IRS1: variants seen among roughly 807,000 people sequenced by gnomAD.
IRS1 encodes insulin receptor substrate 1.
A neutral mutation model predicts 65.6 loss-of-function variants in IRS1; 34 were observed. The ratio of observed to expected loss-of-function variants is 0.52; its 90% CI spans 0.39 to 0.69. The LOEUF (loss-of-function observed/expected upper bound fraction) is 0.69, where lower values mean the gene tolerates loss of function less well. IRS1 is among the 30% of genes least tolerant of loss of function. IRS1 has a pLI of 0.00. For missense variants in IRS1, 1,641 were observed against 1,720.2 expected (o/e 0.95, Z 0.81); for synonymous variants, 699 against 683.5 (o/e 1.02, Z -0.35).
At chr2:226,773,821 C>A (rs1449407773) in intron 1 of IRS1, among the ~76,000 whole-genome samples, 3 of 152,142 alleles carry the variant, frequency 2.0e-5, no homozygotes, top group African/African-American at 7.2e-5. Flanking sequence ...TAACTGTAAC[C>A]ACTCCAGGAG....
At chr2:226,777,653 T>C (rs957556506) in intron 1 of IRS1, among the ~76,000 whole-genome samples, 2 of 152,198 alleles carry the variant, frequency 1.3e-5, no homozygotes, top group African/African-American at 2.4e-5. Context: ...CCTGTGCTGC[T>C]CTCATGATAG....
rs2106155747 is a variant in IRS1, at chr2:226,735,372, T to C, written c.*900A>G. On this transcript the variant is annotated 3_prime_UTR_variant, in exon 2 of 2. Transcript: ENST00000305123. ...ATACATGCAATGGAAGACTTTAATT[T>C]CCTCTTCTTATAATTTTGCTTCCAT... 1 of 152,346 alleles carries C rather than the reference T, an allele frequency of 6.6e-6. No individual in the cohort carries two copies. The highest frequency in any genetic ancestry group is 2.4e-5 in the African/African-American group (1 of 41,584). The allele number at this position is 152,346 out of a possible 1,614,324, so 9.4% of individuals were successfully genotyped here.
rs1938317129 is a variant in IRS1, at chr2:226,736,051, T to C, written c.*221A>G. ...TCTGGTGTCACAGTGCATTTTTTTT[T>C]TTCGCTTGGCACAATATAGAACGTG... On this transcript the variant is annotated 3_prime_UTR_variant, in exon 2 of 2. Transcript: ENST00000305123. 4.6e-5 allele frequency: 7 copies of C among 152,590 alleles called. No individual in the cohort carries two copies. The allele number at this position is 152,590 out of a possible 1,614,324, so 9.5% of individuals were successfully genotyped here.
chr2:226,777,967 TAATTAG>T (rs1939306484), intron 1 of IRS1, among the ~76,000 whole-genome samples: 1 of 152,216 alleles, frequency 6.6e-6, no homozygotes, highest in African/African-American at 2.4e-5. Flanking sequence ...ATAGTCAGTT[TAATTAG>T]AATTGTCTCA....
chr2:226,797,442 A>G lies in IRS1; in HGVS notation c.1297T>C (p.Ser433Pro). Reference sequence around the variant, plus strand: ...GAACTCCGGAAATCGCAGGGACTGGAGCCATACTCATCCGAGGAGATGAAA... The same window carrying G: ...GAACTCCGGAAATCGCAGGGACTGGGGCCATACTCATCCGAGGAGATGAAA... ...GGFISSDEYGSSPCDFRSSFR... is the reference protein window; with the variant it reads ...GGFISSDEYGPSPCDFRSSFR... The change falls in exon 1 of 2, where the codon TCC becomes CCC. Residue 433 changes from serine (S) to proline (P), a missense_variant. Transcript: ENST00000305123. The surrounding 1 kb of genome is among the most constrained non-coding windows in gnomAD (Gnocchi z 8.1). 6.2e-7 allele frequency: 1 copy of G among 1,613,486 alleles called. No individual in the cohort carries two copies. The highest frequency in any genetic ancestry group is 8.5e-7 in the Non-Finnish European group (1 of 1,179,936).
At chr2:226,754,536 A>G (rs1339963443) in intron 1 of IRS1, among the ~76,000 whole-genome samples, 6 of 152,256 alleles carry the variant, frequency 3.9e-5, no homozygotes, top group Non-Finnish European at 8.8e-5. Flanking sequence ...ATGAGTAAAT[A>G]AATTCCTCAA....
At position 226,797,044 on chromosome 2, in the gene IRS1, T is replaced by C. The variant is rs767455230; in HGVS notation, c.1695A>G (p.Gly565=). 1.2e-6 allele frequency: 2 copies of C among 1,608,984 alleles called. No homozygotes were observed. The highest frequency in any genetic ancestry group is 1.1e-5 in the South Asian group (1 of 90,920). Residue 565 remains glycine, a synonymous_variant, in exon 1 of 2, where the codon GGA becomes GGG. Coordinates refer to ENST00000305123, the MANE Select transcript of IRS1 (RefSeq NM_005544.3). The surrounding 1 kb of genome is among the most constrained non-coding windows in gnomAD (Gnocchi z 8.1). ...MPAYPPGGGS[G]GRLPGHRHSA... ...AGTGCCTGTGTCCCGGCAGTCGGCCTCCACTGCCACCTCCTGGTGGGTAGG... is the reference window on the plus strand; with the variant it reads ...AGTGCCTGTGTCCCGGCAGTCGGCCCCCACTGCCACCTCCTGGTGGGTAGG...
chr2:226,786,667 C>CAA (rs1213423707), intron 1 of IRS1, among the ~76,000 whole-genome samples: 2 of 126,442 alleles, frequency 1.6e-5, no homozygotes, highest in African/African-American at 5.9e-5. Context: ...ACAACAACAA[C>CAA]AAAAAAAAAC....
intron 1 of IRS1, among the ~76,000 whole-genome samples, chr2:226,788,972 GA>G (rs1458085773): frequency 6.6e-6 from 1 of 152,018 alleles, no homozygotes; most frequent in Non-Finnish European, 1.5e-5. Context: ...ATACTAGTAT[GA>G]AAAAAAGTTA....
intron 1 of IRS1, among the ~76,000 whole-genome samples, chr2:226,782,812 C>T (rs1346344452): frequency 5.3e-5 from 8 of 152,124 alleles, no homozygotes; most frequent in Non-Finnish European, 1.2e-4. Flanking sequence ...GCCAGCTTGG[C>T]CAACATGGTG....
chr2:226,766,151 ATATATATATATATTT>A (rs1229229443), intron 1 of IRS1, among the ~76,000 whole-genome samples: 2 of 4,110 alleles, frequency 4.9e-4, no homozygotes, highest in African/African-American at 1.1e-3. Context: ...ATATATATAT[ATATATATATATATTT>A]TTTTTTTTTT....
In IRS1 at chr2:226,735,383, T is replaced by A. The variant is rs1031304274; in HGVS notation, c.*889A>T. ...GGAAGACTTTAATTTCCTCTTCTTATAATTTTGCTTCCATTCAATTACCAA... is the reference window on the plus strand; with the variant it reads ...GGAAGACTTTAATTTCCTCTTCTTAAAATTTTGCTTCCATTCAATTACCAA... On this transcript the variant is annotated 3_prime_UTR_variant, in exon 2 of 2. Coordinates refer to ENST00000305123, the MANE Select transcript of IRS1 (RefSeq NM_005544.3). 7 of 152,248 alleles carry A rather than the reference T, an allele frequency of 4.6e-5. No individual in the cohort carries two copies. The highest frequency in any genetic ancestry group is 1.7e-4 in the African/African-American group (7 of 41,470). 9.4% of individuals were successfully genotyped at this position (152,248 alleles called of 1,614,324 possible).
chr2:226,757,702 A>G (rs949625233), intron 1 of IRS1, among the ~76,000 whole-genome samples: 2 of 152,206 alleles, frequency 1.3e-5, no homozygotes, highest in Non-Finnish European at 2.9e-5. Flanking sequence ...TGTAGTTTTC[A>G]TTTCATATCT....
intron 1 of IRS1, among the ~76,000 whole-genome samples, chr2:226,763,224 A>T (rs1429403082): frequency 6.6e-6 from 1 of 152,178 alleles, no homozygotes; most frequent in East Asian, 1.9e-4. Flanking sequence ...TGAATTCACC[A>T]TTCCCTAAAC....
intron 1 of IRS1, among the ~76,000 whole-genome samples, chr2:226,739,279 G>A (rs1417014150): frequency 6.6e-6 from 1 of 152,194 alleles, no homozygotes; most frequent in Non-Finnish European, 1.5e-5. Context: ...TGTACAGGGT[G>A]TGTGTATCTG....
At chr2:226,768,772 G>A (rs1351345647) in intron 1 of IRS1, among the ~76,000 whole-genome samples, 2 of 152,120 alleles carry the variant, frequency 1.3e-5, no homozygotes, top group Non-Finnish European at 2.9e-5. Context: ...GAGTAGCTGG[G>A]ACTATAGGCG....
intron 1 of IRS1, among the ~76,000 whole-genome samples, chr2:226,753,543 C>T (rs1938725379): frequency 6.6e-6 from 1 of 152,158 alleles, no homozygotes; most frequent in South Asian, 2.1e-4. Flanking sequence ...GGTTTCTTAT[C>T]TCTAACTTTC....
Position 226,797,000 on chromosome 2 carries a change from C to G in IRS1, c.1739G>C (p.Arg580Pro). Residue 580 changes from arginine (R) to proline (P), a missense_variant, in exon 1 of 2, where the codon CGC (arginine) becomes CCC (proline). Physicochemically the swap from Arg to Pro is moderately radical, Grantham distance 103. Coordinates refer to ENST00000305123, the MANE Select transcript of IRS1 (RefSeq NM_005544.3). ...GHRHSAFVPTRSYPEEGLEMH... is the reference protein window; with the variant it reads ...GHRHSAFVPTPSYPEEGLEMH... Reference sequence around the variant, plus strand: ...TTCCAGACCCTCCTCTGGGTAGGAGCGGGTGGGCACGAAGGCGGAGTGCCT... The same window carrying G: ...TTCCAGACCCTCCTCTGGGTAGGAGGGGGTGGGCACGAAGGCGGAGTGCCT... 6.3e-7 allele frequency: 1 copy of G among 1,597,992 alleles called. No individual in the cohort carries two copies. Among genetic ancestry groups the G allele is most frequent in the Non-Finnish European group, 8.5e-7 (1 of 1,170,072 alleles).
chr2:226,741,103 A>G (rs1413931080), intron 1 of IRS1, among the ~76,000 whole-genome samples: 1 of 152,176 alleles, frequency 6.6e-6, no homozygotes, highest in Non-Finnish European at 1.5e-5. Flanking sequence ...CAGAAAAACC[A>G]CTACTCAGCT....
Sources: allele counts gnomAD v4.1 joint callset (sites outside exome capture counted in the v4.1 genomes callset), GRCh38; gene constraint gnomAD v4.1.1; non-coding constraint Gnocchi (gnomAD v3.1); transcripts MANE v1.5; gene names NCBI Gene and HGNC (gene_info 2026-07-23, HGNC 2026-07-21).